Variants in TYW1B observed in about 807,000 individuals in gnomAD.
The protein encoded by TYW1B is tRNA-yW synthesizing protein 1 homolog B.
TYW1B carries 73 observed loss-of-function variants against 86.9 expected under a neutral mutation model. The ratio of observed to expected loss-of-function variants is 0.84; its 90% confidence interval spans 0.70 to 1.02. The LOEUF is 1.02. Ranked by LOEUF, TYW1B falls within the 50% of genes least tolerant of loss-of-function variation. TYW1B has a pLI of 0.00. For missense variants in TYW1B, 637 were observed against 827.4 expected (o/e 0.77, Z 2.82); for synonymous variants, 248 against 292.8 (o/e 0.85, Z 1.56).
intron 8 of TYW1B, among the ~76,000 whole-genome samples, chr7:72,738,949 T>C (rs1554461567): frequency 5.9e-5 from 9 of 151,888 alleles, no homozygotes; most frequent in Non-Finnish European, 1.5e-5. Context: ...GGATAGGCAT[T>C]GTGGCACAAG....
At position 72,810,632 on chromosome 7, in the gene TYW1B, C is replaced by T; in HGVS notation, c.271G>A (p.Ala91Thr). The T allele has an allele frequency of 6.2e-7, 1 of 1,613,120 alleles. No individual in the cohort carries two copies. The highest frequency in any genetic ancestry group is 8.5e-7 in the Non-Finnish European group (1 of 1,179,360). ...GTTGGTAGGCCGTCAGTGTATGTCG[C>T]AACCAGGAAGACACAGACATTTTTA... ...TSKNVCVFLVATYTDGLPTES... is the reference protein window; with the variant it reads ...TSKNVCVFLVTTYTDGLPTES... Residue 91 changes from alanine to threonine, a missense_variant, in exon 4 of 14, where the codon GCG becomes ACG. Coordinates refer to ENST00000620995, the MANE Select transcript of TYW1B (RefSeq NM_001145440.3).
intron 13 of TYW1B, among the ~76,000 whole-genome samples, chr7:72,591,088 C>T (rs1355136266): frequency 4.6e-5 from 7 of 151,620 alleles, no homozygotes; most frequent in Admixed American, 3.3e-4. Context: ...CATATTTCTA[C>T]AGGCAGAAGG....
intron 6 of TYW1B, among the ~76,000 whole-genome samples, chr7:72,779,586 A>G (rs1382309079): frequency 6.6e-6 from 1 of 151,438 alleles, no homozygotes; most frequent in Non-Finnish European, 1.5e-5. Flanking sequence ...GCATGGTGGC[A>G]GGCACCTATA....
intron 3 of TYW1B, among the ~76,000 whole-genome samples, chr7:72,812,777 C>G (rs1788646035): frequency 6.6e-6 from 1 of 150,942 alleles, no homozygotes; most frequent in African/African-American, 2.4e-5. Context: ...CTCACTGCAA[C>G]CTCCACCTCC....
chr7:72,620,395 T>TCAAAA (rs1354923124), intron 12 of TYW1B, among the ~76,000 whole-genome samples: 2 of 152,138 alleles, frequency 1.3e-5, no homozygotes, highest in Admixed American at 6.5e-5. Flanking sequence ...AGACTCTGTC[T>TCAAAA]CAAAACAAAA....
intron 11 of TYW1B, among the ~76,000 whole-genome samples, chr7:72,638,786 G>A (rs1177103887): frequency 1.3e-5 from 2 of 152,206 alleles, no homozygotes; most frequent in African/African-American, 4.8e-5. Flanking sequence ...ACAACCAGAT[G>A]TTGTGTGCCA....
chr7:72,788,185 T>G (rs191110545), intron 6 of TYW1B, among the ~76,000 whole-genome samples: 2 of 152,214 alleles, frequency 1.3e-5, no homozygotes, highest in East Asian at 3.9e-4. Flanking sequence ...TTCATTGTGT[T>G]AGCCAGGATG....
At chr7:72,770,263 T>C (rs1787842523) in intron 7 of TYW1B, among the ~76,000 whole-genome samples, 1 of 151,388 alleles carries the variant, frequency 6.6e-6, no homozygotes, top group African/African-American at 2.4e-5. Context: ...ACCCCATCTC[T>C]ACTAAAAATA....
intron 2 of TYW1B, among the ~76,000 whole-genome samples, chr7:72,816,753 G>A (rs1231065284): frequency 6.6e-6 from 1 of 152,156 alleles, no homozygotes; most frequent in Non-Finnish European, 1.5e-5. Flanking sequence ...CTATGTAATG[G>A]AGCCTCCAAG....
At chr7:72,747,002 G>A (rs1338738806) in intron 7 of TYW1B, among the ~76,000 whole-genome samples, 3 of 152,120 alleles carry the variant, frequency 2.0e-5, no homozygotes, top group Non-Finnish European at 4.4e-5. Context: ...GTAATTTGTT[G>A]GGAGGAGCAG....
intron 7 of TYW1B, among the ~76,000 whole-genome samples, chr7:72,750,377 C>T (rs1563081588): frequency 6.6e-6 from 1 of 152,158 alleles, no homozygotes; most frequent in Non-Finnish European, 1.5e-5. Flanking sequence ...CACTTGAAAT[C>T]CTATTGTGCT....
At chr7:72,679,703 T>TA (rs1205946877) in intron 11 of TYW1B, among the ~76,000 whole-genome samples, 1 of 152,118 alleles carries the variant, frequency 6.6e-6, no homozygotes, top group Non-Finnish European at 1.5e-5. Context: ...TTTTTATTTT[T>TA]AAAAAAATGG....
At chr7:72,811,919 CAAA>C (rs66698234) in intron 3 of TYW1B, among the ~76,000 whole-genome samples, 7 of 108,642 alleles carry the variant, frequency 6.4e-5, no homozygotes, top group Non-Finnish European at 9.5e-5. Flanking sequence ...GACTCCATCT[CAAA>C]AAAAAAAAAA....
chr7:72,653,115 G>A (rs1321774364), intron 11 of TYW1B, among the ~76,000 whole-genome samples: 1 of 152,050 alleles, frequency 6.6e-6, no homozygotes, highest in Non-Finnish European at 1.5e-5. Flanking sequence ...AGAAAAACAA[G>A]AGCAATTTAA....
chr7:72,592,164 A>T (rs1243861295), intron 13 of TYW1B, among the ~76,000 whole-genome samples: 2 of 118,436 alleles, frequency 1.7e-5, no homozygotes, highest in Admixed American at 8.1e-5. Flanking sequence ...ATGTGTTAAA[A>T]AAAAAAAAAA....
At chr7:72,637,692 A>T (rs2186388) in intron 11 of TYW1B, among the ~76,000 whole-genome samples, 35,658 of 127,998 alleles carry the variant, frequency 0.28, 4,576 homozygotes, top group East Asian at 0.56. Flanking sequence ...TTTTCTTTTT[A>T]AAAAAAAAAA....
chr7:72,699,480 G>A (rs1814405899), intron 10 of TYW1B, among the ~76,000 whole-genome samples: 1 of 152,126 alleles, frequency 6.6e-6, no homozygotes, highest in Non-Finnish European at 1.5e-5. Context: ...GCACCGTTCT[G>A]CATCTGGCTC....
intron 13 of TYW1B, among the ~76,000 whole-genome samples, chr7:72,614,936 A>G (rs186428263): frequency 6.6e-6 from 1 of 152,326 alleles, no homozygotes; most frequent in East Asian, 1.9e-4. Context: ...AAGCCCTCTA[A>G]TCAATCTGAC....
chr7:72,807,261 G>T lies in TYW1B; in HGVS notation c.528C>A (p.His176Gln), dbSNP rs782247210. The change falls in exon 5 of 14, where the codon CAC (histidine) becomes CAA (glutamine). Residue 176 changes from histidine to glutamine, a missense_variant. His to Gln is a conservative substitution (Grantham distance 24). Coordinates refer to ENST00000620995, the MANE Select transcript of TYW1B (RefSeq NM_001145440.3). ...CTCTGAAGTTGGCCTCAATGCTGCCGTGCTTGCTTTTAACCACGTCGCAGT... is the reference window on the plus strand; with the variant it reads ...CTCTGAAGTTGGCCTCAATGCTGCCTTGCTTGCTTTTAACCACGTCGCAGT... ...EGDCDVVKSK[H>Q]GSIEANFRAW... The T allele has an allele frequency of 1.2e-5, 19 of 1,614,038 alleles. No homozygotes were observed. The African/African-American group carries it at 2.5e-4, about 22-fold the overall frequency.
Sources: allele counts gnomAD v4.1 joint callset (sites outside exome capture counted in the v4.1 genomes callset), GRCh38; gene constraint gnomAD v4.1.1; transcripts MANE v1.5; gene names NCBI Gene and HGNC (gene_info 2026-07-23, HGNC 2026-07-21).